MICAL2: variants seen among roughly 807,000 people sequenced by gnomAD.
MICAL2 encodes the protein [F-actin]-monooxygenase MICAL2.
MICAL2 carries 77 observed loss-of-function variants against 127.3 expected under a neutral mutation model. The observed-to-expected ratio is 0.60, with a 90% CI of 0.50 to 0.73. The LOEUF (loss-of-function observed/expected upper bound fraction) is 0.73. Ranked by LOEUF, MICAL2 falls within the 30% of genes least tolerant of loss-of-function variation. The pLI, the probability that MICAL2 is intolerant of heterozygous loss-of-function variation, is 0.00. For missense variants in MICAL2, 1,351 were observed against 1,434.4 expected, an observed-to-expected ratio of 0.94 and a Z score of 0.94; for synonymous variants, 570 against 551.1, an observed-to-expected ratio of 1.03 and a Z score of -0.48.
intron 3 of MICAL2, among the ~76,000 whole-genome samples, chr11:12,180,700 G>A (rs935898036): frequency 1.3e-5 from 2 of 151,858 alleles, no homozygotes; most frequent in African/African-American, 4.8e-5. Flanking sequence ...CTGGGTTAAG[G>A]GACTTGCCTA....
chr11:12,186,846 A>G (rs6485561), intron 3 of MICAL2, among the ~76,000 whole-genome samples: 40,025 of 152,140 alleles, frequency 0.26, 6,420 homozygotes, highest in African/African-American at 0.45. Flanking sequence ...CTCAGAGGAT[A>G]CAGAGCTGTC....
intron 1 of MICAL2, among the ~76,000 whole-genome samples, chr11:12,277,667 A>G (rs775809384): frequency 3.9e-5 from 6 of 152,188 alleles, no homozygotes; most frequent in Non-Finnish European, 8.8e-5. Flanking sequence ...TTACACCAGG[A>G]AGGAAGGCAG....
chr11:12,213,197 T>C (rs1051123250), intron 6 of MICAL2, 58 bp from the exon 7 acceptor site: 4 of 1,530,614 alleles, frequency 2.6e-6, no homozygotes, highest in African/African-American at 1.4e-5. Flanking sequence ...AATAATCATT[T>C]TCAGTTTTCA....
chr11:12,184,796 G>A (rs1010484695), intron 3 of MICAL2, among the ~76,000 whole-genome samples: 2 of 151,760 alleles, frequency 1.3e-5, no homozygotes, highest in Non-Finnish European at 2.9e-5. Flanking sequence ...CTAGCTTCAG[G>A]TGTTGGTGAG....
At position 12,242,286 on chromosome 11, in the gene MICAL2, A is replaced by G; in HGVS notation, c.2410A>G (p.Ser804Gly). 1 of 1,614,106 alleles carries G rather than the reference A, an allele frequency of 6.2e-7. No individual in the cohort carries two copies. Residue 804 changes from serine to glycine, a missense_variant, in exon 19 of 28, where the codon AGC (serine) becomes GGC (glycine). Physicochemically the swap from Ser to Gly is moderately conservative, Grantham distance 56 (BLOSUM62 0). This residue lies in a region of MICAL2 where 752 missense variants were observed against 719.4 expected (regional missense o/e 1.05). Coordinates refer to ENST00000683283, the MANE Select transcript of MICAL2 (RefSeq NM_001282663.2). ...AGTGTCTGCTGGCAGTGAGTGCCTG[A>G]GCAGACCTTGGAGAGCCAGAGCCAA... ...KQVSAGSECL[S>G]RPWRARAKSD... is the part of the protein sequence containing the mutation.
At chr11:12,298,721 C>G (rs978347531) in intron 29 of MICAL2, among the ~76,000 whole-genome samples, 5 of 152,054 alleles carry the variant, frequency 3.3e-5, no homozygotes, top group African/African-American at 1.2e-4. Context: ...TGAATTTCAT[C>G]AAATGTCTTT....
chr11:12,261,464 C>G (rs1476296449), intron 26 of MICAL2: 42 of 985,378 alleles, frequency 4.3e-5, no homozygotes, highest in Non-Finnish European at 4.8e-5. Flanking sequence ...TCTCCCTACT[C>G]CACGCTGCCT....
intron 2 of MICAL2, chr11:12,281,207 C>G (rs1863766668): frequency 2.5e-6 from 1 of 397,836 alleles, no homozygotes; most frequent in Non-Finnish European, 4.4e-6. Context: ...GCCTCGCCCT[C>G]AGGCTTCAAG....
chr11:12,198,507 C>G (rs1227536917), intron 3 of MICAL2, among the ~76,000 whole-genome samples: 1 of 152,192 alleles, frequency 6.6e-6, no homozygotes, highest in African/African-American at 2.4e-5. Context: ...CTGAACCAAG[C>G]TGTTCTTATT....
At chr11:12,297,244 G>A (rs1046294879), downstream of MICAL2, among the ~76,000 whole-genome samples, 40 of 152,062 alleles carry the variant, frequency 2.6e-4, no homozygotes, top group Non-Finnish European at 3.8e-4. Context: ...TATAGATTTC[G>A]GAGTGGTGTG....
downstream of MICAL2, among the ~76,000 whole-genome samples, chr11:12,361,730 C>A (rs1169885361): frequency 6.6e-6 from 1 of 152,176 alleles, no homozygotes. Flanking sequence ...ATTCTGGAGG[C>A]AAATGACAAT....
intron 3 of MICAL2, among the ~76,000 whole-genome samples, chr11:12,189,638 CAGTT>C (rs1430313652): frequency 6.6e-6 from 1 of 152,224 alleles, no homozygotes; most frequent in Non-Finnish European, 1.5e-5. Context: ...GCTGGAGACT[CAGTT>C]TGTTTTCTCT....
intron 1 of MICAL2, among the ~76,000 whole-genome samples, chr11:12,123,575 C>T (rs566874227): frequency 7.2e-4 from 110 of 152,298 alleles, no homozygotes; most frequent in Non-Finnish European, 1.3e-3. Flanking sequence ...TCAGATATGC[C>T]ACCAGGAATG....
At chr11:12,296,532 G>A (rs1041482292), downstream of MICAL2, among the ~76,000 whole-genome samples, 23 of 147,080 alleles carry the variant, frequency 1.6e-4, no homozygotes, top group African/African-American at 5.4e-4. Flanking sequence ...ATTTTGTGAT[G>A]TGTGACATAA....
intron 25 of MICAL2, 53 bp from the exon 26 acceptor site, chr11:12,259,739 AAGT>A: frequency 6.9e-7 from 1 of 1,451,392 alleles, no homozygotes; most frequent in Non-Finnish European, 9.3e-7. Flanking sequence ...GGCTTTGTTG[AAGT>A]AGTCCTCTGG....
chr11:12,205,165 T>C (rs1590340722), intron 4 of MICAL2, among the ~76,000 whole-genome samples: 1 of 152,278 alleles, frequency 6.6e-6, no homozygotes, highest in South Asian at 2.1e-4. Context: ...CCCTGAATGC[T>C]TATATAGGGA....
At chr11:12,302,670 A>G (rs1367417126) in intron 29 of MICAL2, among the ~76,000 whole-genome samples, 3 of 150,686 alleles carry the variant, frequency 2.0e-5, no homozygotes, top group Non-Finnish European at 3.0e-5. Flanking sequence ...AAACAGAAGT[A>G]CCTTTTTTTT....
chr11:12,153,777 T>C (rs1016246502), intron 2 of MICAL2, among the ~76,000 whole-genome samples: 6 of 152,216 alleles, frequency 3.9e-5, no homozygotes, highest in African/African-American at 1.4e-4. Context: ...TGTGGTCACC[T>C]CTCACTGTTA....
At chr11:12,247,215 C>G (rs761938052) in intron 21 of MICAL2, among the ~76,000 whole-genome samples, 52 of 152,314 alleles carry the variant, frequency 3.4e-4, no homozygotes, top group Middle Eastern at 6.8e-3. Flanking sequence ...CATGTAAACC[C>G]TCACACTCAG....
Sources: allele counts gnomAD v4.1 joint callset (sites outside exome capture counted in the v4.1 genomes callset), GRCh38; gene constraint gnomAD v4.1.1; regional missense constraint gnomAD v4.1.1; transcripts MANE v1.5; gene names NCBI Gene and HGNC (gene_info 2026-07-23, HGNC 2026-07-21).